HDAC9: variants seen among roughly 807,000 people sequenced by gnomAD.
HDAC9 encodes the protein histone deacetylase 9, also known as MEF-2 interacting transcription repressor (MITR) protein.
Under a neutral mutation model 139.4 loss-of-function variants are expected in HDAC9, and 41 were observed. The observed-to-expected ratio is 0.29, with a 90% CI of 0.23 to 0.38. The LOEUF (loss-of-function observed/expected upper bound fraction) is 0.38. Among genes scored for constraint, HDAC9 ranks in the 10% least tolerant of loss-of-function variants. HDAC9 has a pLI of 1.00. For missense variants in HDAC9, 1,147 were observed against 1,297.0 expected (o/e 0.88, Z 1.78); for synonymous variants, 517 against 476.2 (o/e 1.09, Z -1.12).
Position 18,999,192 on chromosome 7 carries a change from C to T in HDAC9, c.*3130C>T, listed in dbSNP as rs1220717912. The T allele has an allele frequency of 6.6e-6, 1 of 152,164 alleles. No homozygotes were observed. Among genetic ancestry groups the T allele is most frequent in the East Asian group, 1.9e-4 (1 of 5,192 alleles). The allele number at this position is 152,164 out of a possible 1,614,324, so 9.4% of individuals were successfully genotyped here. ...ATCCTGGGGATGGAAATATTGCCTT[C>T]AGTTTTTACTCCAGCCCTATACGAC... On this transcript the variant is annotated 3_prime_UTR_variant, in exon 26 of 26. Coordinates refer to ENST00000686413, the MANE Select transcript of HDAC9 (RefSeq NM_178425.4).
intron 16 of HDAC9, among the ~76,000 whole-genome samples, chr7:18,787,362 G>A (rs1791910193): frequency 6.6e-6 from 1 of 152,194 alleles, no homozygotes; most frequent in African/African-American, 2.4e-5. Flanking sequence ...AGTTTTGGAT[G>A]TATGTTAGGT....
chr7:18,375,990 G>T (rs1336296647), intron 1 of HDAC9, among the ~76,000 whole-genome samples: 1 of 152,136 alleles, frequency 6.6e-6, no homozygotes, highest in Non-Finnish European at 1.5e-5. Context: ...TGCAGAATAG[G>T]CAAGATCATT....
At chr7:18,422,877 C>G (rs886952196) in intron 1 of HDAC9, among the ~76,000 whole-genome samples, 14 of 152,026 alleles carry the variant, frequency 9.2e-5, no homozygotes, top group African/African-American at 3.1e-4. Flanking sequence ...AATTTTACTG[C>G]TTCTTTACAG....
intron 1 of HDAC9, among the ~76,000 whole-genome samples, chr7:18,342,045 C>T (rs1372745269): frequency 6.6e-6 from 1 of 151,784 alleles, no homozygotes; most frequent in Admixed American, 6.6e-5. Flanking sequence ...TTTTTGTGAC[C>T]ATAAAGAACT....
At chr7:18,137,947 G>A (rs1227350131) in intron 1 of HDAC9, among the ~76,000 whole-genome samples, 5 of 151,370 alleles carry the variant, frequency 3.3e-5, no homozygotes. Flanking sequence ...GACTCTTTTT[G>A]GTTGGTAAGC....
At chr7:18,293,657 G>A (rs1012809747) in intron 1 of HDAC9, among the ~76,000 whole-genome samples, 1 of 151,968 alleles carries the variant, frequency 6.6e-6, no homozygotes, top group East Asian at 1.9e-4. Context: ...AACCTGTAAA[G>A]CATGGTTTAG....
At chr7:18,131,294 T>A (rs1383594729) in intron 1 of HDAC9, among the ~76,000 whole-genome samples, 1 of 152,148 alleles carries the variant, frequency 6.6e-6, no homozygotes, top group African/African-American at 2.4e-5. Context: ...GTGCCCAATA[T>A]TTGTTAGTAT....
chr7:19,001,543 G>A lies in HDAC9; in HGVS notation c.*5481G>A, dbSNP rs932081972. ...TAACTTAAAATTCAACAGAAATGGA[G>A]TAATTAAAAAAAAAAACAAAAAACA... On this transcript the variant is annotated 3_prime_UTR_variant, in exon 26 of 26. Transcript: ENST00000686413. The A allele has an allele frequency of 1.0e-5, 1 of 98,960 alleles. No homozygotes were observed. Among genetic ancestry groups the A allele is most frequent in the East Asian group, 2.9e-4 (1 of 3,488 alleles). 6.1% of individuals were successfully genotyped at this position (98,960 alleles called of 1,614,324 possible).
intron 2 of HDAC9, among the ~76,000 whole-genome samples, chr7:18,170,520 T>C (rs897334314): frequency 4.6e-5 from 7 of 152,080 alleles, no homozygotes; most frequent in Non-Finnish European, 1.0e-4. Flanking sequence ...TCCTTGCCCA[T>C]GCCTATGTCC....
intron 12 of HDAC9, among the ~76,000 whole-genome samples, chr7:18,701,974 C>G (rs1208096927): frequency 6.6e-6 from 1 of 152,216 alleles, no homozygotes; most frequent in Non-Finnish European, 1.5e-5. Context: ...AGACAGTCTC[C>G]TGAGTGTTAG....
At chr7:18,953,170 T>C (rs774898158) in intron 23 of HDAC9, among the ~76,000 whole-genome samples, 6 of 152,082 alleles carry the variant, frequency 3.9e-5, no homozygotes, top group Non-Finnish European at 7.4e-5. Flanking sequence ...TCGCTTCCCA[T>C]TCGTGCCATA....
At chr7:18,344,533 T>C (rs878929787) in intron 1 of HDAC9, among the ~76,000 whole-genome samples, 3 of 151,982 alleles carry the variant, frequency 2.0e-5, no homozygotes, top group Non-Finnish European at 4.4e-5. Context: ...CAGGTAGTAT[T>C]CGTACTTAAA....
intron 1 of HDAC9, among the ~76,000 whole-genome samples, chr7:18,142,464 T>C (rs1185642333): frequency 6.6e-6 from 1 of 152,336 alleles, no homozygotes; most frequent in Non-Finnish European, 1.5e-5. Context: ...TACTGGATTC[T>C]TGTGCAGTGC....
At chr7:18,377,102 A>G (rs561676169) in intron 1 of HDAC9, among the ~76,000 whole-genome samples, 1 of 152,230 alleles carries the variant, frequency 6.6e-6, no homozygotes, top group South Asian at 2.1e-4. Flanking sequence ...TCTCACAGTT[A>G]TGGAGGCTGG....
chr7:18,869,731 A>G (rs1033463235), intron 21 of HDAC9, among the ~76,000 whole-genome samples: 14 of 152,130 alleles, frequency 9.2e-5, no homozygotes, highest in African/African-American at 3.1e-4. Flanking sequence ...CATCTTCTGT[A>G]TTGAAGATTA....
intron 2 of HDAC9, among the ~76,000 whole-genome samples, chr7:18,169,636 G>A (rs2128132512): frequency 6.6e-6 from 1 of 152,114 alleles, no homozygotes; most frequent in Non-Finnish European, 1.5e-5. Context: ...ACAGGCCCCG[G>A]TGTGTGATGT....
intron 2 of HDAC9, among the ~76,000 whole-genome samples, chr7:18,514,604 A>G (rs1332827597): frequency 6.6e-6 from 1 of 152,190 alleles, no homozygotes; most frequent in Non-Finnish European, 1.5e-5. Context: ...TAAGTAAATA[A>G]TTGTTTCCAG....
At chr7:18,263,468 A>G (rs1795806063) in intron 2 of HDAC9, among the ~76,000 whole-genome samples, 2 of 152,158 alleles carry the variant, frequency 1.3e-5, no homozygotes, top group African/African-American at 4.8e-5. Flanking sequence ...TCAGGCACCT[A>G]TTCTTGATTT....
intron 2 of HDAC9, among the ~76,000 whole-genome samples, chr7:18,190,042 C>G (rs2128149239): frequency 6.6e-6 from 1 of 152,060 alleles, no homozygotes; most frequent in South Asian, 2.1e-4. Context: ...CGGGTTCAAG[C>G]AATTCTTCTG....
Sources: allele counts gnomAD v4.1 joint callset (sites outside exome capture counted in the v4.1 genomes callset), GRCh38; gene constraint gnomAD v4.1.1; transcripts MANE v1.5; gene names NCBI Gene and HGNC (gene_info 2026-07-23, HGNC 2026-07-21).